The following SHISA9 variants were observed in gnomAD, a reference collection of about 807,000 sequenced individuals.
The protein encoded by SHISA9 is protein shisa-9.
Under a neutral mutation model 38.0 loss-of-function variants are expected in SHISA9, and 13 were observed. The ratio of observed to expected loss-of-function variants is 0.34; its 90% confidence interval spans 0.22 to 0.54. The LOEUF is 0.54. SHISA9 is among the 20% of genes least tolerant of loss of function. The pLI is 0.91. For synonymous variants in SHISA9, 275 were observed against 242.0 expected (o/e 1.14, Z -1.27); for missense variants, 538 against 575.8 (o/e 0.93, Z 0.67).
chr16:13,556,514 T>A, the SHISA9 span, among the ~76,000 whole-genome samples: 1 of 151,936 alleles, frequency 6.6e-6, no homozygotes, highest in East Asian at 1.9e-4. Context: ...ATACAAAAAA[T>A]TAGCCGGGCA....
intron 2 of SHISA9, among the ~76,000 whole-genome samples, chr16:13,080,740 T>G (rs1229895880): frequency 1.3e-5 from 2 of 152,178 alleles, no homozygotes; most frequent in Admixed American, 1.3e-4. Flanking sequence ...ACTGGAGACA[T>G]AAAATAGCCA....
chr16:13,229,165 A>C (rs936217225), intron 4 of SHISA9, among the ~76,000 whole-genome samples: 1 of 152,186 alleles, frequency 6.6e-6, no homozygotes, highest in African/African-American at 2.4e-5. Context: ...GTCTCAAAAA[A>C]AATTTGACTG....
Position 13,203,509 on chromosome 16 carries a change from A to G in SHISA9, c.807A>G (p.Pro269=). ...QISNPYEQQP[P]GKELNKYASL... ...CCAACCCCTATGAACAGCAGCCACC[A>G]GGAAAAGAGCTCAACAAGTACGCCT... The change falls in exon 3 of 5, where the codon CCA becomes CCG. Residue 269 remains proline, a synonymous_variant. Transcript: ENST00000558583. 1 of 1,547,752 alleles carries G rather than the reference A, an allele frequency of 6.5e-7. No homozygotes were observed. Among genetic ancestry groups the G allele is most frequent in the South Asian group, 1.2e-5 (1 of 83,540 alleles).
At chr16:12,934,812 T>C (rs2071507529) in intron 2 of SHISA9, among the ~76,000 whole-genome samples, 1 of 152,096 alleles carries the variant, frequency 6.6e-6, no homozygotes, top group South Asian at 2.1e-4. Context: ...GGGTAAATAG[T>C]TTGTGTCAGG....
chr16:13,530,778 T>G, the SHISA9 span, among the ~76,000 whole-genome samples: 1 of 152,220 alleles, frequency 6.6e-6, no homozygotes, highest in Non-Finnish European at 1.5e-5. Context: ...GAGGCCAACC[T>G]GACCTGTAGC....
the SHISA9 span, among the ~76,000 whole-genome samples, chr16:13,384,221 T>A: frequency 3.7e-4 from 57 of 152,112 alleles, no homozygotes; most frequent in Non-Finnish European, 5.7e-4. Flanking sequence ...CTACATGGGA[T>A]TAGAGGCCAC....
In SHISA9 at chr16:13,158,205, A is replaced by G. The variant is rs908764170; in HGVS notation, c.692-45189A>G. ...AGCAGTGTAGCCATAATGGAGAAGCAGGCTTTGTCTTCAGACTGACCAACA... is the reference window on the plus strand; with the variant it reads ...AGCAGTGTAGCCATAATGGAGAAGCGGGCTTTGTCTTCAGACTGACCAACA... On this transcript the variant is annotated intron_variant, in intron 2 of 4. Coordinates refer to ENST00000558583, the MANE Select transcript of SHISA9 (RefSeq NM_001145204.3). Among the ~76,000 whole-genome samples the G allele has an allele frequency of 4.5e-4, 68 of 152,192 alleles. 1 individual carries two copies. Among genetic ancestry groups the G allele is most frequent in the Admixed American group, 1.0e-3 (16 of 15,280 alleles).
intron 2 of SHISA9, among the ~76,000 whole-genome samples, chr16:13,037,112 A>G (rs1445045480): frequency 4.4e-5 from 3 of 68,608 alleles, no homozygotes; most frequent in Non-Finnish European, 3.4e-5. Context: ...ACACACAGAC[A>G]CACACACACA....
At chr16:13,372,079 A>G in the SHISA9 span, among the ~76,000 whole-genome samples, 10 of 152,312 alleles carry the variant, frequency 6.6e-5, no homozygotes, top group East Asian at 1.9e-3. Context: ...TCCTACATAA[A>G]TATCTGCCCG....
chr16:13,090,854 GT>G (rs2073767713), intron 2 of SHISA9, among the ~76,000 whole-genome samples: 1 of 152,188 alleles, frequency 6.6e-6, no homozygotes, highest in Non-Finnish European at 1.5e-5. Context: ...TTCGCTGGTT[GT>G]TTTGCCTGTT....
chr16:13,421,406 T>C, the SHISA9 span, among the ~76,000 whole-genome samples: 7,782 of 152,162 alleles, frequency 0.051, 660 homozygotes, highest in African/African-American at 0.18. Context: ...TACATGGCTG[T>C]GGCAAGAGAA....
At chr16:12,928,837 G>A (rs1292457801) in intron 2 of SHISA9, among the ~76,000 whole-genome samples, 1 of 152,186 alleles carries the variant, frequency 6.6e-6, no homozygotes. Context: ...GTCAAAGAAT[G>A]TCATCAAACA....
At chr16:13,099,537 G>T (rs1477340748) in intron 2 of SHISA9, among the ~76,000 whole-genome samples, 1 of 152,010 alleles carries the variant, frequency 6.6e-6, no homozygotes, top group African/African-American at 2.4e-5. Context: ...ACTTGATGGG[G>T]TGGAGGGAGT....
the SHISA9 span, among the ~76,000 whole-genome samples, chr16:13,435,622 A>G: frequency 1.4e-4 from 22 of 152,288 alleles, no homozygotes; most frequent in African/African-American, 4.8e-4. Flanking sequence ...CCTGAGGGGA[A>G]AAAAAAGAGT....
At chr16:13,299,749 TA>T in the SHISA9 span, among the ~76,000 whole-genome samples, 1 of 151,940 alleles carries the variant, frequency 6.6e-6, no homozygotes. Flanking sequence ...CAATTGGCTT[TA>T]AAGTCCAAGC....
chr16:13,266,801 T>C, the SHISA9 span, among the ~76,000 whole-genome samples: 1 of 152,120 alleles, frequency 6.6e-6, no homozygotes, highest in South Asian at 2.1e-4. Flanking sequence ...GAAAAACAGT[T>C]ACTCTTAGGA....
chr16:13,194,645 A>C (rs555129107), intron 2 of SHISA9, among the ~76,000 whole-genome samples: 15 of 152,308 alleles, frequency 9.8e-5, no homozygotes, highest in African/African-American at 3.6e-4. Context: ...CTTCTGTAAT[A>C]AATCTCAATT....
At chr16:13,105,417 A>G (rs960636831) in intron 2 of SHISA9, among the ~76,000 whole-genome samples, 3 of 152,088 alleles carry the variant, frequency 2.0e-5, no homozygotes, top group African/African-American at 7.2e-5. Context: ...CCACTTGCTT[A>G]CCACAACAGG....
chr16:13,445,951 T>A, the SHISA9 span, among the ~76,000 whole-genome samples: 1 of 152,170 alleles, frequency 6.6e-6, no homozygotes, highest in Non-Finnish European at 1.5e-5. Context: ...CTAGTACTTT[T>A]TTTTTTCTTT....
Sources: allele counts gnomAD v4.1 joint callset (sites outside exome capture counted in the v4.1 genomes callset), GRCh38; gene constraint gnomAD v4.1.1; transcripts MANE v1.5; gene names NCBI Gene and HGNC (gene_info 2026-07-23, HGNC 2026-07-21).